Variants in ADAM17 observed in about 807,000 individuals in gnomAD.
The protein encoded by ADAM17 is disintegrin and metalloproteinase domain-containing protein 17.
A neutral mutation model predicts 96.7 loss-of-function variants in ADAM17; 39 were observed. That is an observed-to-expected ratio of 0.40 (90% CI 0.31 to 0.53). The LOEUF is 0.53. Ranked by LOEUF, ADAM17 falls within the 20% of genes least tolerant of loss-of-function variation. ADAM17 has a pLI of 0.44. For synonymous variants in ADAM17, 344 were observed against 359.2 expected (o/e 0.96, Z 0.48); for missense variants, 777 against 1,013.2 (o/e 0.77, Z 3.17).
chr2:9,550,139 G>A (rs935504414), intron 1 of ADAM17, among the ~76,000 whole-genome samples: 3 of 152,124 alleles, frequency 2.0e-5, no homozygotes, highest in Non-Finnish European at 4.4e-5. Flanking sequence ...TGTCAGGTGC[G>A]GGTTGTTGGG....
intron 1 of ADAM17, among the ~76,000 whole-genome samples, chr2:9,552,627 T>C (rs1665619330): frequency 2.0e-5 from 3 of 152,224 alleles, no homozygotes; most frequent in Admixed American, 2.0e-4. Context: ...CCCTCATCTG[T>C]GACCTATATT....
chr2:9,547,033 T>A (rs1665424440), intron 1 of ADAM17, among the ~76,000 whole-genome samples: 1 of 152,226 alleles, frequency 6.6e-6, no homozygotes, highest in Non-Finnish European at 1.5e-5. Context: ...AAAACTACAA[T>A]GGCTGCCTAC....
At chr2:9,532,549 G>A (rs1184919305) in intron 4 of ADAM17, among the ~76,000 whole-genome samples, 2 of 151,998 alleles carry the variant, frequency 1.3e-5, no homozygotes, top group Non-Finnish European at 2.9e-5. Context: ...TCAGCTCACT[G>A]CAGTCTCCGC....
chr2:9,490,593 C>T, intron 18 of ADAM17, 75 bp from the exon 19 acceptor site: 1 of 1,396,090 alleles, frequency 7.2e-7, no homozygotes, highest in East Asian at 2.5e-5. Context: ...CACCCTTACC[C>T]ATCAAACAGC....
chr2:9,489,948 A>C lies in ADAM17; in HGVS notation c.*229T>G. On this transcript the variant is annotated 3_prime_UTR_variant, in exon 19 of 19. Coordinates refer to ENST00000310823, the MANE Select transcript of ADAM17 (RefSeq NM_003183.6). ...ACCACAGGTCAAAAGATATTTTAAA[A>C]ACTAAAACCTGAAAGCCTCAAAATA... 4.4e-6 allele frequency: 2 copies of C among 455,126 alleles called. No individual in the cohort carries two copies. The highest frequency in any genetic ancestry group is 7.8e-6 in the Non-Finnish European group (2 of 257,576). The allele number at this position is 455,126 out of a possible 1,614,324, so 28.2% of individuals were successfully genotyped here.
chr2:9,550,506 C>T (rs1046821140), intron 1 of ADAM17, among the ~76,000 whole-genome samples: 6 of 139,446 alleles, frequency 4.3e-5, no homozygotes, highest in African/African-American at 1.6e-4. Flanking sequence ...ACTGCAGTGG[C>T]TCAACCTTGG....
chr2:9,510,244 A>T, intron 10 of ADAM17, 113 bp from the exon 11 acceptor site: 5 of 1,172,764 alleles, frequency 4.3e-6, no homozygotes, highest in Non-Finnish European at 6.1e-6. Flanking sequence ...CAACAAGAGA[A>T]TAAGAACTGC....
At position 9,555,404 on chromosome 2, in the gene ADAM17, T is replaced by C; in HGVS notation, c.97+105A>G. Reference sequence around the variant, plus strand: ...CTGAAAACTTAGGGACGCGCCACCATCGCCAATACCCCGCCCCCAAACACC... The same window carrying C: ...CTGAAAACTTAGGGACGCGCCACCACCGCCAATACCCCGCCCCCAAACACC... On this transcript the variant is annotated intron_variant, in intron 1 of 18. Transcript: ENST00000310823. The C allele has an allele frequency of 3.1e-6, 3 of 955,628 alleles. No individual in the cohort carries two copies. The South Asian group carries it at 5.8e-5, about 18-fold the overall frequency. 59.2% of individuals were successfully genotyped at this position (955,628 alleles called of 1,614,324 possible).
chr2:9,490,768 A>G (rs1347750931), intron 18 of ADAM17, among the ~76,000 whole-genome samples: 1 of 152,210 alleles, frequency 6.6e-6, no homozygotes, highest in African/African-American at 2.4e-5. Flanking sequence ...AAACTTACTT[A>G]CCATTTGAAG....
At chr2:9,499,033 A>G (rs1264165514) in intron 13 of ADAM17, among the ~76,000 whole-genome samples, 2 of 151,966 alleles carry the variant, frequency 1.3e-5, no homozygotes, top group East Asian at 3.9e-4. Flanking sequence ...GGGGACTGAC[A>G]ATTTCCATTT....
chr2:9,494,499 A>G (rs1662406841), intron 15 of ADAM17, 138 bp downstream of exon 15: 1 of 968,756 alleles, frequency 1.0e-6, no homozygotes, highest in Non-Finnish European at 1.5e-6. Context: ...CTCCTAAGTA[A>G]TACCCGTAGA....
rs1334320157 is a variant in ADAM17 at position 9,490,488 on chromosome 2, C to T, written c.2164G>A (p.Ala722Thr). The change falls in exon 19 of 19, where the codon GCA becomes ACA. Residue 722 changes from alanine to threonine, a missense_variant. This residue lies in a region of ADAM17 where 197 missense variants were observed against 219.4 expected (regional missense o/e 0.90). Coordinates refer to ENST00000310823, the MANE Select transcript of ADAM17 (RefSeq NM_003183.6). ...AAGGGTTTGATAATGCGAACCGATG[C>T]AGAATCCATGCTGCTCAGCATTTCG... is the stretch of plus-strand genomic sequence containing the variant. Reference protein sequence around the residue: ...NVEMLSSMDSASVRIIKPFPA... With the variant: ...NVEMLSSMDSTSVRIIKPFPA... 2 of 1,613,768 alleles carry T rather than the reference C, an allele frequency of 1.2e-6. No individual in the cohort carries two copies. Among genetic ancestry groups the T allele is most frequent in the East Asian group, 4.5e-5 (2 of 44,890 alleles).
chr2:9,491,201 G>A (rs746987344), intron 17 of ADAM17, 50 bp from the exon 18 acceptor site: 45 of 1,539,768 alleles, frequency 2.9e-5, no homozygotes, highest in African/African-American at 4.1e-5. Context: ...AATTCAGTTA[G>A]TGAGTACTAT....
intron 5 of ADAM17, 59 bp from the exon 6 acceptor site, chr2:9,526,303 G>A (rs1664527047): frequency 2.6e-6 from 4 of 1,534,888 alleles, no homozygotes; most frequent in Non-Finnish European, 8.9e-7. Flanking sequence ...GAGTTTTATG[G>A]TAACACTTTA....
chr2:9,550,439 C>CTTTTTTTTTTTTT (rs35602755), intron 1 of ADAM17, among the ~76,000 whole-genome samples: 1 of 74,164 alleles, frequency 1.3e-5, no homozygotes, highest in Non-Finnish European at 2.5e-5. Context: ...GATACTCATT[C>CTTTTTTTTTTTTT]TTTTTTTTTT....
chr2:9,510,532 C>G (rs1007714577), intron 10 of ADAM17, among the ~76,000 whole-genome samples: 1 of 152,096 alleles, frequency 6.6e-6, no homozygotes, highest in Non-Finnish European at 1.5e-5. Flanking sequence ...GGCATGGAGG[C>G]ACGCGCCTGT....
intron 7 of ADAM17, chr2:9,522,309 G>A: frequency 2.0e-6 from 1 of 497,110 alleles, no homozygotes; most frequent in East Asian, 3.0e-5. Context: ...GACATCTCTA[G>A]AAAGATACAT....
intron 1 of ADAM17, among the ~76,000 whole-genome samples, chr2:9,551,072 CAA>C (rs752876279): frequency 2.0e-4 from 24 of 120,264 alleles, no homozygotes; most frequent in Admixed American, 5.2e-4. Flanking sequence ...GACTCTGTCT[CAA>C]AAAAAAAAAA....
intron 8 of ADAM17, among the ~76,000 whole-genome samples, chr2:9,519,437 G>T (rs762493871): frequency 1.3e-5 from 2 of 152,170 alleles, no homozygotes; most frequent in Admixed American, 1.3e-4. Context: ...GCAGACAGGC[G>T]CAGTGGTTCA....
Sources: allele counts gnomAD v4.1 joint callset (sites outside exome capture counted in the v4.1 genomes callset), GRCh38; gene constraint gnomAD v4.1.1; regional missense constraint gnomAD v4.1.1; transcripts MANE v1.5; gene names NCBI Gene and HGNC (gene_info 2026-07-23, HGNC 2026-07-21).